MALRD1: variants seen among roughly 807,000 people sequenced by gnomAD.
MALRD1 encodes the protein MAM and LDL receptor class A domain containing 1.
A neutral mutation model predicts 242.1 loss-of-function variants in MALRD1; 247 were observed. That is an observed-to-expected ratio of 1.02 (90% CI 0.92 to 1.13). The LOEUF (loss-of-function observed/expected upper bound fraction) is 1.13. Ranked by LOEUF, MALRD1 falls within the 50% of genes most tolerant of loss-of-function variation. MALRD1 has a pLI of 0.00. For missense variants in MALRD1, 2,989 were observed against 2,533.1 expected, an observed-to-expected ratio of 1.18 and a Z score of -3.86; for synonymous variants, 995 against 866.6, an observed-to-expected ratio of 1.15 and a Z score of -2.60.
chr10:19,473,040 G>A (rs1054524810), intron 29 of MALRD1, among the ~76,000 whole-genome samples: 3 of 149,434 alleles, frequency 2.0e-5, no homozygotes, highest in Non-Finnish European at 4.5e-5. Context: ...CACACTCAAC[G>A]GAAACTGAAG....
chr10:19,687,936 ATGTTATGTTATGTTATGT>A (rs1589401931), intron 36 of MALRD1, among the ~76,000 whole-genome samples: 1 of 143,870 alleles, frequency 7.0e-6, no homozygotes. Context: ...ATGTTATGTT[ATGTTATGTTATGTTATGT>A]TATGTTATGT....
At chr10:19,412,411 C>A (rs977228427) in intron 28 of MALRD1, among the ~76,000 whole-genome samples, 6 of 152,102 alleles carry the variant, frequency 3.9e-5, no homozygotes, top group Non-Finnish European at 8.8e-5. Context: ...CCCCATCAAC[C>A]AGAAAGGAAA....
intron 21 of MALRD1, among the ~76,000 whole-genome samples, chr10:19,289,528 T>G (rs1431440531): frequency 6.6e-6 from 1 of 152,200 alleles, no homozygotes; most frequent in East Asian, 1.9e-4. Flanking sequence ...GTGCTCTACA[T>G]GACAATAAAT....
At chr10:19,719,377 A>G (rs576083985) in intron 38 of MALRD1, among the ~76,000 whole-genome samples, 1 of 151,168 alleles carries the variant, frequency 6.6e-6, no homozygotes, top group African/African-American at 2.4e-5. Context: ...TCCCATTGGC[A>G]GCCTGGGTTT....
chr10:19,713,197 GAC>G (rs1834223115), intron 38 of MALRD1, among the ~76,000 whole-genome samples: 1 of 151,950 alleles, frequency 6.6e-6, no homozygotes, highest in African/African-American at 2.4e-5. Flanking sequence ...GAAATAAAAA[GAC>G]ACATAAAATA....
intron 21 of MALRD1, among the ~76,000 whole-genome samples, chr10:19,319,570 A>G (rs1326201441): frequency 2.0e-5 from 3 of 152,146 alleles, no homozygotes; most frequent in Admixed American, 6.6e-5. Flanking sequence ...ATAAACAAAG[A>G]GACTTATAAA....
At chr10:19,539,298 C>A (rs924861312) in intron 32 of MALRD1, among the ~76,000 whole-genome samples, 5 of 152,080 alleles carry the variant, frequency 3.3e-5, no homozygotes, top group African/African-American at 1.2e-4. Flanking sequence ...TAGAGCTGGG[C>A]AGGTTTTTCC....
rs563680784 is a variant in MALRD1 at position 19,661,526 on chromosome 10, G to A, written c.6138-30756G>A. 6.1e-4 allele frequency among the ~76,000 whole-genome samples: 93 copies of A among 152,158 alleles called. 1 individual carries two copies. Among genetic ancestry groups the A allele is most frequent in the South Asian group, 5.6e-3 (27 of 4,818 alleles). On this transcript the variant is annotated intron_variant, in intron 36 of 39. Transcript: ENST00000454679. ...TGGAAACCATCATTCTCAGAAAACTGTCACAAGGACAAAAAACCAAACGCT... is the reference window on the plus strand; with the variant it reads ...TGGAAACCATCATTCTCAGAAAACTATCACAAGGACAAAAAACCAAACGCT...
intron 34 of MALRD1, among the ~76,000 whole-genome samples, chr10:19,599,001 G>T (rs1838233100): frequency 6.6e-6 from 1 of 151,524 alleles, no homozygotes; most frequent in Non-Finnish European, 1.5e-5. Context: ...CAAAAAAGTG[G>T]TTTTTGGGAT....
chr10:19,622,587 A>G (rs1043446110), intron 36 of MALRD1, among the ~76,000 whole-genome samples: 20 of 151,754 alleles, frequency 1.3e-4, no homozygotes, highest in Non-Finnish European at 2.5e-4. Flanking sequence ...TCATAGGGGT[A>G]AACAATTAGA....
intron 28 of MALRD1, among the ~76,000 whole-genome samples, chr10:19,421,877 T>G (rs1178739501): frequency 2.6e-5 from 4 of 152,202 alleles, no homozygotes; most frequent in Non-Finnish European, 4.4e-5. Context: ...GCAGAGATTT[T>G]GAAGATCAGA....
At chr10:19,214,146 G>A (rs1239288110) in intron 18 of MALRD1, among the ~76,000 whole-genome samples, 2 of 152,150 alleles carry the variant, frequency 1.3e-5, no homozygotes, top group Non-Finnish European at 2.9e-5. Flanking sequence ...TTTCTGTGCA[G>A]CTCCTTCTTC....
At chr10:19,599,862 G>C (rs938127134) in intron 34 of MALRD1, among the ~76,000 whole-genome samples, 25 of 152,102 alleles carry the variant, frequency 1.6e-4, no homozygotes, top group African/African-American at 6.0e-4. Context: ...TCTTCGCTCT[G>C]TATTAATCTG....
intron 33 of MALRD1, among the ~76,000 whole-genome samples, chr10:19,588,057 C>G (rs1432321748): frequency 6.6e-6 from 1 of 151,794 alleles, no homozygotes; most frequent in Non-Finnish European, 1.5e-5. Context: ...CATAAAACTT[C>G]TGAAGCAATT....
At chr10:19,195,291 A>T (rs769961656) in intron 14 of MALRD1, among the ~76,000 whole-genome samples, 35 of 152,212 alleles carry the variant, frequency 2.3e-4, no homozygotes, top group Non-Finnish European at 4.4e-5. Flanking sequence ...GGCTTTCAAG[A>T]TGGCAAATTC....
intron 36 of MALRD1, among the ~76,000 whole-genome samples, chr10:19,626,284 T>TA (rs1246225671): frequency 7.1e-6 from 1 of 141,388 alleles, no homozygotes; most frequent in African/African-American, 2.5e-5. Flanking sequence ...CATTTTCCCT[T>TA]AAAATCAAGA....
intron 13 of MALRD1, among the ~76,000 whole-genome samples, chr10:19,170,030 G>T (rs1044202609): frequency 1.3e-5 from 2 of 152,170 alleles, no homozygotes; most frequent in Non-Finnish European, 2.9e-5. Context: ...CAATATAACA[G>T]AATACAAATT....
intron 33 of MALRD1, among the ~76,000 whole-genome samples, chr10:19,585,309 T>C (rs1430965192): frequency 6.6e-6 from 1 of 152,198 alleles, no homozygotes; most frequent in East Asian, 1.9e-4. Flanking sequence ...TGATGTAGTT[T>C]CTTTCTAGTC....
At chr10:19,328,541 A>T (rs898688905) in intron 23 of MALRD1, among the ~76,000 whole-genome samples, 3 of 152,138 alleles carry the variant, frequency 2.0e-5, no homozygotes, top group African/African-American at 7.2e-5. Flanking sequence ...GGGGTAGCCA[A>T]GTTGGCTGTG....
Sources: allele counts gnomAD v4.1 joint callset (sites outside exome capture counted in the v4.1 genomes callset), GRCh38; gene constraint gnomAD v4.1.1; transcripts MANE v1.5; gene names NCBI Gene and HGNC (gene_info 2026-07-23, HGNC 2026-07-21).